The following COL4A2 variants were observed in gnomAD, a reference collection of about 807,000 sequenced individuals.
COL4A2 encodes collagen type IV alpha 2 chain, also known as collagen alpha-2(IV) chain.
COL4A2 carries 99 observed loss-of-function variants against 200.2 expected under a neutral mutation model. The ratio of observed to expected loss-of-function variants is 0.49; its 90% confidence interval spans 0.42 to 0.58. The LOEUF is 0.58. Among genes scored for constraint, COL4A2 ranks in the 20% least tolerant of loss-of-function variants. COL4A2 has a pLI of 0.00. For synonymous variants in COL4A2, 897 were observed against 900.6 expected (o/e 1.00, Z 0.07); for missense variants, 1,950 against 2,314.1 (o/e 0.84, Z 3.23).
chr13:110,357,414 A>G (rs1877324372), intron 3 of COL4A2, 58 bp from the exon 4 acceptor site: 6 of 1,549,100 alleles, frequency 3.9e-6, no homozygotes, highest in Non-Finnish European at 5.2e-6. Flanking sequence ...ATTTTAATAC[A>G]TGTTGTAGTT....
chr13:110,393,139 T>C (rs1318211727), intron 4 of COL4A2, among the ~76,000 whole-genome samples: 1 of 152,252 alleles, frequency 6.6e-6, no homozygotes, highest in Non-Finnish European at 1.5e-5. Flanking sequence ...AAATCCCTTC[T>C]GGCAGTGTAA....
chr13:110,486,446 G>T (rs1245170537), intron 34 of COL4A2, among the ~76,000 whole-genome samples: 1 of 152,206 alleles, frequency 6.6e-6, no homozygotes, highest in African/African-American at 2.4e-5. Context: ...GCACAGCGTG[G>T]CTCCCCATAG....
chr13:110,313,384 G>A (rs1193359787), intron 3 of COL4A2, among the ~76,000 whole-genome samples: 1 of 152,220 alleles, frequency 6.6e-6, no homozygotes, highest in African/African-American at 2.4e-5. Flanking sequence ...CTTCACAGGT[G>A]TCTCCAGTCC....
rs188987654 is a variant in COL4A2 at position 110,364,836 on chromosome 13, T to G, written c.180+7284T>G. On this transcript the variant is annotated intron_variant, in intron 4 of 47. Coordinates refer to ENST00000360467, the MANE Select transcript of COL4A2 (RefSeq NM_001846.4). ...GAGATTGGATGTTCAGTATGGTAAC[T>G]GCTAGGCACATGCAGCTATTTCAAT... Among the ~76,000 whole-genome samples, 214 of 152,330 alleles carry G rather than the reference T, an allele frequency of 1.4e-3. 1 individual carries two copies. Among genetic ancestry groups the G allele is most frequent in the Middle Eastern group, 6.8e-3 (2 of 294 alleles).
intron 4 of COL4A2, among the ~76,000 whole-genome samples, chr13:110,407,016 C>G (rs1292861294): frequency 2.0e-5 from 3 of 152,208 alleles, no homozygotes; most frequent in African/African-American, 4.8e-5. Flanking sequence ...GCAGCCCACC[C>G]CGATCGCCTC....
rs924868670 is a variant in COL4A2, at chr13:110,434,315, T to G, written c.685-86T>G. 8 of 1,327,600 alleles carry G rather than the reference T, an allele frequency of 6.0e-6. No homozygotes were observed. In the Admixed American group the frequency reaches 9.9e-5, roughly 16 times the overall value. 82.2% of individuals were successfully genotyped at this position (1,327,600 alleles called of 1,614,324 possible). Reference sequence around the variant, plus strand: ...CAGTAAAGTTGCCGATAAATAGGCCTTGGGTTTCTTTTTCTAAGAAAAATA... The same window carrying G: ...CAGTAAAGTTGCCGATAAATAGGCCGTGGGTTTCTTTTTCTAAGAAAAATA... On this transcript the variant is annotated intron_variant, in intron 11 of 47. Transcript: ENST00000360467.
chr13:110,310,221 T>C (rs1377208887), intron 3 of COL4A2, among the ~76,000 whole-genome samples: 1 of 152,190 alleles, frequency 6.6e-6, no homozygotes, highest in Non-Finnish European at 1.5e-5. Flanking sequence ...GAACATTGAT[T>C]GCCCAGCAGA....
At chr13:110,473,352 G>T in intron 29 of COL4A2, 1 of 533,820 alleles carries the variant, frequency 1.9e-6, no homozygotes, top group East Asian at 3.3e-5. Flanking sequence ...TAGCCAGTGC[G>T]ATCTGGCCAT....
intron 39 of COL4A2, among the ~76,000 whole-genome samples, chr13:110,493,655 T>C (rs1464823185): frequency 6.6e-6 from 1 of 152,208 alleles, no homozygotes; most frequent in Non-Finnish European, 1.5e-5. Context: ...TCTTTCATTT[T>C]GTTGGCCTAA....
chr13:110,429,469 A>G (rs918752564), intron 7 of COL4A2: 2 of 175,864 alleles, frequency 1.1e-5, no homozygotes, highest in African/African-American at 4.8e-5. Context: ...ATTTGACACA[A>G]TTCCAATTTT....
In COL4A2 at chr13:110,379,314, T is replaced by G. The variant is rs533795208; in HGVS notation, c.180+21762T>G. On this transcript the variant is annotated intron_variant, in intron 4 of 47. Coordinates refer to ENST00000360467, the MANE Select transcript of COL4A2 (RefSeq NM_001846.4). ...GGTGGGAGACCCTGGGCTAGAGCAG[T>G]GCTCAGCACCCTAAGCTAAGAGGCG... 1.7e-3 allele frequency among the ~76,000 whole-genome samples: 254 copies of G among 152,340 alleles called. 1 individual carries two copies. The highest frequency in any genetic ancestry group is 2.9e-3 in the Non-Finnish European group (196 of 68,034).
chr13:110,421,336 A>G (rs1288591555), intron 4 of COL4A2, among the ~76,000 whole-genome samples: 1 of 152,242 alleles, frequency 6.6e-6, no homozygotes, highest in African/African-American at 2.4e-5. Flanking sequence ...CACAGTAGCC[A>G]AAAGGTAGAG....
At chr13:110,449,885 G>A (rs1211912103) in intron 19 of COL4A2, 96 bp downstream of exon 19, 5 of 1,359,132 alleles carry the variant, frequency 3.7e-6, no homozygotes, top group Non-Finnish European at 5.0e-6. Flanking sequence ...ACGTAGCTAT[G>A]TCGTTGTTAC....
intron 3 of COL4A2, among the ~76,000 whole-genome samples, chr13:110,335,208 C>G (rs573368802): frequency 5.3e-5 from 8 of 152,242 alleles, no homozygotes; most frequent in Admixed American, 1.3e-4. Context: ...AACCGTGTCT[C>G]CAACACAGGC....
chr13:110,509,419 A>G (rs181279540), intron 47 of COL4A2, among the ~76,000 whole-genome samples: 1 of 152,222 alleles, frequency 6.6e-6, no homozygotes, highest in Non-Finnish European at 1.5e-5. Flanking sequence ...TATCGTTGCT[A>G]TGATAAGTTG....
At chr13:110,462,040 A>G (rs2139498614) in intron 22 of COL4A2, 74 bp from the exon 23 acceptor site, 3 of 1,582,402 alleles carry the variant, frequency 1.9e-6, no homozygotes, top group South Asian at 2.3e-5. Context: ...TGAGATGAAA[A>G]AGCTTGCCAG....
intron 3 of COL4A2, among the ~76,000 whole-genome samples, chr13:110,354,889 G>A (rs750668938): frequency 2.6e-5 from 4 of 152,190 alleles, no homozygotes; most frequent in Non-Finnish European, 5.9e-5. Flanking sequence ...CCTGCTGGGC[G>A]GCAGTGGCAG....
chr13:110,491,597 T>C (rs1883285127), intron 37 of COL4A2, among the ~76,000 whole-genome samples: 1 of 152,198 alleles, frequency 6.6e-6, no homozygotes, highest in Non-Finnish European at 1.5e-5. Flanking sequence ...CCTCTGTCTC[T>C]CATATAGAAG....
intron 3 of COL4A2, among the ~76,000 whole-genome samples, chr13:110,335,080 G>C (rs528029130): frequency 6.6e-6 from 1 of 152,220 alleles, no homozygotes; most frequent in East Asian, 1.9e-4. Context: ...CCCCCAGCCT[G>C]TGTCACACTT....
Sources: allele counts gnomAD v4.1 joint callset (sites outside exome capture counted in the v4.1 genomes callset), GRCh38; gene constraint gnomAD v4.1.1; transcripts MANE v1.5; gene names NCBI Gene and HGNC (gene_info 2026-07-23, HGNC 2026-07-21).